The following MED27 variants were observed in gnomAD, a reference collection of about 807,000 sequenced individuals.
MED27 encodes mediator of RNA polymerase II transcription subunit 27.
A neutral mutation model predicts 38.2 loss-of-function variants in MED27; 30 were observed. The observed-to-expected ratio is 0.79, with a 90% confidence interval of 0.59 to 1.07. MED27 has a LOEUF of 1.07. Among genes scored for constraint, MED27 ranks in the 50% least tolerant of loss-of-function variants. The pLI is 0.00. For missense variants in MED27, 289 were observed against 397.5 expected (o/e 0.73, Z 2.32); for synonymous variants, 122 against 153.5 (o/e 0.79, Z 1.52).
rs566797084 is a variant in MED27 at position 131,869,208 on chromosome 9, A to G, written c.724-6068T>C. 25 of 985,346 alleles carry G rather than the reference A, an allele frequency of 2.5e-5. No homozygotes were observed. In the African/African-American group the frequency reaches 4.4e-4, roughly 17 times the overall value. The allele number at this position is 985,346 out of a possible 1,614,324, so 61.0% of individuals were successfully genotyped here. ...CCATGTTTTCCCTCCTGTCCTCCCCAAGTCCTCCACTGCTGGTTTTGGAAT... is the reference window on the plus strand; with the variant it reads ...CCATGTTTTCCCTCCTGTCCTCCCCGAGTCCTCCACTGCTGGTTTTGGAAT... On this transcript the variant is annotated intron_variant, in intron 6 of 7. Coordinates refer to ENST00000292035, the MANE Select transcript of MED27 (RefSeq NM_004269.4).
intron 2 of MED27, among the ~76,000 whole-genome samples, chr9:132,071,151 G>A (rs921308152): frequency 6.6e-6 from 1 of 152,126 alleles, no homozygotes; most frequent in Non-Finnish European, 1.5e-5. Context: ...TCTGAGGTGG[G>A]TACAATTATC....
chr9:132,065,667 G>C (rs1187646818), intron 2 of MED27, among the ~76,000 whole-genome samples: 1 of 152,214 alleles, frequency 6.6e-6, no homozygotes, highest in Admixed American at 6.5e-5. Flanking sequence ...TCCTCATAAA[G>C]GTCAAGGCAA....
intron 4 of MED27, among the ~76,000 whole-genome samples, chr9:131,931,820 T>C (rs984254735): frequency 6.6e-6 from 1 of 152,124 alleles, no homozygotes; most frequent in African/African-American, 2.4e-5. Flanking sequence ...ATTGGAAATA[T>C]ATATACAACC....
intron 2 of MED27, among the ~76,000 whole-genome samples, chr9:132,036,080 A>C (rs2131110779): frequency 6.6e-6 from 1 of 152,352 alleles, no homozygotes; most frequent in East Asian, 1.9e-4. Flanking sequence ...ACATTTTAGA[A>C]ACATGAAAAA....
intron 3 of MED27, among the ~76,000 whole-genome samples, chr9:132,012,001 A>T (rs1832496781): frequency 1.3e-5 from 2 of 152,016 alleles, no homozygotes; most frequent in Admixed American, 1.3e-4. Context: ...CTAATGCCTA[A>T]AATAGTTTCT....
intron 5 of MED27, among the ~76,000 whole-genome samples, chr9:131,884,411 T>C (rs1839101861): frequency 6.6e-6 from 1 of 152,168 alleles, no homozygotes; most frequent in Non-Finnish European, 1.5e-5. Flanking sequence ...CTCTTGCATA[T>C]CTCAATGCCA....
chr9:131,922,964 G>A (rs928357477), intron 4 of MED27, among the ~76,000 whole-genome samples: 15 of 151,960 alleles, frequency 9.9e-5, no homozygotes, highest in Admixed American at 3.9e-4. Flanking sequence ...CTTACTTTCC[G>A]GCACAGCAAG....
At chr9:131,964,937 C>G (rs1005673614) in intron 3 of MED27, among the ~76,000 whole-genome samples, 2 of 152,114 alleles carry the variant, frequency 1.3e-5, no homozygotes, top group Non-Finnish European at 2.9e-5. Flanking sequence ...ATGCCTACAC[C>G]TTTTCAATAA....
At chr9:132,047,047 G>A (rs553788376) in intron 2 of MED27, among the ~76,000 whole-genome samples, 96 of 152,252 alleles carry the variant, frequency 6.3e-4, no homozygotes, top group African/African-American at 2.2e-3. Flanking sequence ...CTTAGAGAGC[G>A]TATGTGGTGT....
At chr9:131,951,284 T>G (rs1024354662) in intron 3 of MED27, among the ~76,000 whole-genome samples, 4 of 152,224 alleles carry the variant, frequency 2.6e-5, no homozygotes, top group Non-Finnish European at 4.4e-5. Flanking sequence ...TCCTTCATAG[T>G]ACACATCACA....
intron 2 of MED27, chr9:132,073,493 T>C: frequency 8.2e-7 from 1 of 1,224,330 alleles, no homozygotes; most frequent in Non-Finnish European, 1.0e-6. Flanking sequence ...CCTTATAGTT[T>C]ACCCTTAATA....
intron 3 of MED27, among the ~76,000 whole-genome samples, chr9:131,979,584 G>A (rs1190966711): frequency 2.0e-5 from 3 of 151,260 alleles, no homozygotes; most frequent in Admixed American, 1.3e-4. Flanking sequence ...TCTGCCATCC[G>A]CCTTGCAGAG....
chr9:131,996,082 G>A (rs1464301182), intron 3 of MED27, among the ~76,000 whole-genome samples: 1 of 152,176 alleles, frequency 6.6e-6, no homozygotes, highest in Non-Finnish European at 1.5e-5. Flanking sequence ...GGATCTCACT[G>A]CATTATAAGC....
intron 4 of MED27, among the ~76,000 whole-genome samples, chr9:131,907,478 C>T (rs1830088802): frequency 6.6e-6 from 1 of 152,240 alleles, no homozygotes; most frequent in South Asian, 2.1e-4. Flanking sequence ...CCTCCGCCTA[C>T]CGAGGTGCCG....
At chr9:132,030,353 A>G (rs1471979616) in intron 2 of MED27, among the ~76,000 whole-genome samples, 1 of 152,206 alleles carries the variant, frequency 6.6e-6, no homozygotes, top group Non-Finnish European at 1.5e-5. Flanking sequence ...TCTTGCCCTC[A>G]GCTATTCCGC....
intron 5 of MED27, among the ~76,000 whole-genome samples, chr9:131,885,300 C>A (rs973431557): frequency 1.3e-5 from 2 of 152,234 alleles, no homozygotes; most frequent in African/African-American, 4.8e-5. Flanking sequence ...TCTGGCGAGG[C>A]ATCTTACAGA....
At chr9:132,023,533 G>C (rs1832759210) in intron 2 of MED27, among the ~76,000 whole-genome samples, 1 of 152,114 alleles carries the variant, frequency 6.6e-6, no homozygotes, top group African/African-American at 2.4e-5. Flanking sequence ...GCCTGTTTCT[G>C]CTTTAAGCAC....
intron 3 of MED27, among the ~76,000 whole-genome samples, chr9:132,013,930 G>A (rs974851369): frequency 3.3e-5 from 5 of 152,146 alleles, no homozygotes; most frequent in Non-Finnish European, 7.3e-5. Context: ...TCTGGGCCGG[G>A]TGTGGTAGCT....
chr9:131,887,164 T>C (rs1839155031), intron 5 of MED27, among the ~76,000 whole-genome samples: 1 of 152,194 alleles, frequency 6.6e-6, no homozygotes, highest in Admixed American at 6.5e-5. Flanking sequence ...GTTAAACATA[T>C]TTAAAAATCC....
Sources: gnomAD v4.1 joint callset for allele counts (sites outside exome capture counted in the v4.1 genomes callset) on GRCh38, gnomAD v4.1.1 for gene constraint, MANE v1.5 for transcripts, NCBI Gene and HGNC (gene_info 2026-07-23, HGNC 2026-07-21) for gene names.